FNDC3B: variants seen among roughly 807,000 people sequenced by gnomAD.
FNDC3B encodes fibronectin type III domain-containing protein 3B.
FNDC3B carries 12 observed loss-of-function variants against 151.5 expected under a neutral mutation model. That is an observed-to-expected ratio of 0.08 (90% confidence interval 0.05 to 0.13). FNDC3B has a LOEUF of 0.13. Among genes scored for constraint, FNDC3B ranks in the 10% least tolerant of loss-of-function variants. FNDC3B has a pLI of 1.00. For synonymous variants in FNDC3B, 528 were observed against 549.0 expected (o/e 0.96, Z 0.54); for missense variants, 1,214 against 1,505.3 (o/e 0.81, Z 3.20).
At chr3:172,214,191 T>C (rs1425222954) in intron 3 of FNDC3B, among the ~76,000 whole-genome samples, 5 of 152,150 alleles carry the variant, frequency 3.3e-5, no homozygotes, top group African/African-American at 1.2e-4. Flanking sequence ...GTAGTTGTTG[T>C]TTACCCTCAG....
chr3:172,263,218 A>G (rs1424451816), intron 6 of FNDC3B, among the ~76,000 whole-genome samples: 2 of 151,906 alleles, frequency 1.3e-5, no homozygotes, highest in Non-Finnish European at 2.9e-5. Flanking sequence ...AACAGTTAAA[A>G]ATTTTTTTTC....
intron 4 of FNDC3B, among the ~76,000 whole-genome samples, chr3:172,242,645 C>A (rs928425985): frequency 8.5e-5 from 13 of 152,178 alleles, no homozygotes; most frequent in Non-Finnish European, 1.5e-5. Context: ...AGCATGGGGA[C>A]TCTGGGCCTG....
intron 3 of FNDC3B, among the ~76,000 whole-genome samples, chr3:172,140,603 C>T (rs1345327315): frequency 6.6e-6 from 1 of 152,194 alleles, no homozygotes; most frequent in Non-Finnish European, 1.5e-5. Context: ...GTGGTTTCCA[C>T]CAGGGCCGGA....
At chr3:172,328,189 C>A (rs1408358396) in intron 11 of FNDC3B, among the ~76,000 whole-genome samples, 1 of 152,190 alleles carries the variant, frequency 6.6e-6, no homozygotes, top group Non-Finnish European at 1.5e-5. Flanking sequence ...ATTCAAAATA[C>A]ATTTCTAGCC....
At chr3:172,325,657 C>T (rs1732306889) in intron 11 of FNDC3B, among the ~76,000 whole-genome samples, 1 of 152,172 alleles carries the variant, frequency 6.6e-6, no homozygotes, top group Non-Finnish European at 1.5e-5. Context: ...GCTTAAGCTC[C>T]AGAGCCGTCG....
intron 23 of FNDC3B, among the ~76,000 whole-genome samples, chr3:172,372,878 C>T (rs910059472): frequency 2.0e-5 from 3 of 152,212 alleles, no homozygotes; most frequent in Non-Finnish European, 4.4e-5. Context: ...TTAAAACAAT[C>T]TACGAGGTAG....
intron 4 of FNDC3B, among the ~76,000 whole-genome samples, chr3:172,246,075 T>G (rs180833219): frequency 1.4e-4 from 21 of 152,348 alleles, no homozygotes; most frequent in African/African-American, 4.8e-4. Context: ...TTTGTTGTTA[T>G]TAAGATGTTT....
intron 2 of FNDC3B, among the ~76,000 whole-genome samples, chr3:172,130,006 G>A (rs551266718): frequency 1.3e-5 from 2 of 151,902 alleles, no homozygotes; most frequent in South Asian, 2.1e-4. Context: ...GAGGGAGGGA[G>A]GGGGAGAGAG....
chr3:172,351,980 A>G (rs994531413), intron 21 of FNDC3B, among the ~76,000 whole-genome samples: 2 of 152,190 alleles, frequency 1.3e-5, no homozygotes, highest in Non-Finnish European at 2.9e-5. Flanking sequence ...TGGGCCACCC[A>G]TCCAAATTGG....
intron 3 of FNDC3B, among the ~76,000 whole-genome samples, chr3:172,146,918 C>T (rs753837998): frequency 3.2e-4 from 49 of 152,074 alleles, no homozygotes; most frequent in African/African-American, 9.7e-4. Flanking sequence ...CAATAGTTCA[C>T]GTATGTTTAA....
At chr3:172,095,634 CTT>C (rs2108516202) in intron 1 of FNDC3B, among the ~76,000 whole-genome samples, 1 of 152,306 alleles carries the variant, frequency 6.6e-6, no homozygotes, top group East Asian at 1.9e-4. Context: ...TTAAGATGCT[CTT>C]TGTTCTGTGT....
chr3:172,117,979 A>G (rs955562925), intron 2 of FNDC3B, among the ~76,000 whole-genome samples: 4 of 152,210 alleles, frequency 2.6e-5, no homozygotes, highest in African/African-American at 9.6e-5. Context: ...AATTGCCTCA[A>G]TCATGTCCAA....
chr3:172,290,012 C>A (rs1177681872), intron 7 of FNDC3B, among the ~76,000 whole-genome samples: 1 of 152,204 alleles, frequency 6.6e-6, no homozygotes, highest in East Asian at 1.9e-4. Flanking sequence ...AAAAGTGAAA[C>A]TTCTGTGCTC....
At chr3:172,171,577 TGA>T in intron 3 of FNDC3B, among the ~76,000 whole-genome samples, 1 of 150,288 alleles carries the variant, frequency 6.7e-6, no homozygotes, top group African/African-American at 2.4e-5. Context: ...TTGGCATTCC[TGA>T]GAGGAAAACA....
rs542715820 is a variant in FNDC3B at position 172,054,857 on chromosome 3, A to G, written c.-29+15086A>G. 4.6e-5 allele frequency among the ~76,000 whole-genome samples: 7 copies of G among 152,302 alleles called. No individual in the cohort carries two copies. In the South Asian group the frequency reaches 1.5e-3, roughly 32 times the overall value. ...GGACTTGCTGTGGTAGGTCCTCATG[A>G]TGCAGATTACCATAGCACTCAACTA... On this transcript the variant is annotated intron_variant, in intron 1 of 25. Transcript: ENST00000415807.
Position 172,108,581 on chromosome 3 carries a change from G to A in FNDC3B, c.-28-3871G>A, listed in dbSNP as rs557748951. ...CTCAGTTACTGGTTAAAACAGAGGA[G>A]GTTCACTTTTGGGTTGCTGTGACTA... On this transcript the variant is annotated intron_variant, in intron 1 of 25. Coordinates refer to ENST00000415807, the MANE Select transcript of FNDC3B (RefSeq NM_022763.4). Among the ~76,000 whole-genome samples, 11 of 152,350 alleles carry A rather than the reference G, an allele frequency of 7.2e-5. No homozygotes were observed. The East Asian group carries it at 2.1e-3, about 29-fold the overall frequency.
chr3:172,334,762 TAACC>T (rs573239864), intron 14 of FNDC3B, among the ~76,000 whole-genome samples, 178 bp from the exon 15 acceptor site: 190 of 152,318 alleles, frequency 1.2e-3, no homozygotes, highest in African/African-American at 4.0e-3. Flanking sequence ...TAATTGTTAA[TAACC>T]AACTATACAG....
At chr3:172,310,305 C>T (rs1481857300) in intron 10 of FNDC3B, among the ~76,000 whole-genome samples, 1 of 152,204 alleles carries the variant, frequency 6.6e-6, no homozygotes, top group Non-Finnish European at 1.5e-5. Context: ...CTCTAGTCAT[C>T]TATCCAGAGG....
Position 172,295,518 on chromosome 3 carries a change from G to C in FNDC3B, c.1001+4G>C, listed in dbSNP as rs910255195. On this transcript the variant is annotated splice_donor_region_variant and intron_variant, in intron 8 of 25. Coordinates refer to ENST00000415807, the MANE Select transcript of FNDC3B (RefSeq NM_022763.4). ...GAAAATACAAGATAATTTACAGGTT[G>C]TGTATGTTTCTATTGTTTTTCTTTG... is the stretch of plus-strand genomic sequence containing the variant. 6.2e-7 allele frequency: 1 copy of C among 1,611,490 alleles called. No homozygotes were observed. The highest frequency in any genetic ancestry group is 8.5e-7 in the Non-Finnish European group (1 of 1,179,166).
Sources: gnomAD v4.1 joint callset for allele counts (sites outside exome capture counted in the v4.1 genomes callset) on GRCh38, gnomAD v4.1.1 for gene constraint, MANE v1.5 for transcripts, NCBI Gene and HGNC (gene_info 2026-07-23, HGNC 2026-07-21) for gene names.